The following PARL variants were observed in gnomAD, a reference collection of about 807,000 sequenced individuals.
PARL encodes presenilin associated rhomboid like, also known as presenilin-associated rhomboid-like protein, mitochondrial.
PARL carries 44 observed loss-of-function variants against 51.6 expected under a neutral mutation model. That is an observed-to-expected ratio of 0.85 (90% CI 0.67 to 1.10). PARL has a LOEUF of 1.10. Ranked by LOEUF, PARL falls within the 50% of genes least tolerant of loss-of-function variation. The pLI is 0.00. For synonymous variants in PARL, 172 were observed against 164.0 expected (o/e 1.05, Z -0.37); for missense variants, 441 against 469.5 (o/e 0.94, Z 0.56).
At chr3:183,864,193 C>T (rs1458041732) in intron 3 of PARL, among the ~76,000 whole-genome samples, 4 of 152,152 alleles carry the variant, frequency 2.6e-5, no homozygotes, top group African/African-American at 9.7e-5. Flanking sequence ...AGGGCTCATG[C>T]TTCTTGAATG....
intron 4 of PARL, among the ~76,000 whole-genome samples, chr3:183,859,121 C>T (rs988519913): frequency 5.9e-5 from 9 of 151,910 alleles, no homozygotes; most frequent in Admixed American, 3.3e-4. Flanking sequence ...CTGGCTAACG[C>T]GGTGAAACCC....
chr3:183,830,297 C>T (rs115355869), intron 9 of PARL, among the ~76,000 whole-genome samples: 115 of 152,338 alleles, frequency 7.5e-4, no homozygotes, highest in African/African-American at 2.7e-3. Context: ...GGCTGACGCA[C>T]AGAGAGGTTT....
intron 4 of PARL, among the ~76,000 whole-genome samples, chr3:183,860,814 C>CTT (rs11405513): frequency 0.027 from 3,467 of 126,692 alleles, 235 homozygotes; most frequent in African/African-American, 0.093. Context: ...AATTTCGTTA[C>CTT]TTTTTTTTTT....
At chr3:183,826,645 G>T, downstream of PARL, 1 of 985,360 alleles carries the variant, frequency 1.0e-6, no homozygotes, top group Non-Finnish European at 1.2e-6. Context: ...TGACATGACG[G>T]CTGCCTAGAA....
intron 6 of PARL, 69 bp from the exon 7 acceptor site, chr3:183,840,709 C>CG: frequency 1.6e-6 from 1 of 608,678 alleles, no homozygotes; most frequent in East Asian, 3.2e-5. Context: ...TTTTTCTTTT[C>CG]TTTTTTTTTT....
chr3:183,855,971 C>CA (rs576215027), intron 4 of PARL, among the ~76,000 whole-genome samples: 12,173 of 144,918 alleles, frequency 0.084, 664 homozygotes, highest in African/African-American at 0.15. Flanking sequence ...AATAAACAAA[C>CA]AAAAAAAAAA....
intron 4 of PARL, chr3:183,846,681 G>A (rs1729990053): frequency 2.1e-6 from 2 of 961,208 alleles, no homozygotes; most frequent in Non-Finnish European, 2.5e-6. Flanking sequence ...CTGCTTTCAT[G>A]GGGCACCCCA....
intron 7 of PARL, among the ~76,000 whole-genome samples, chr3:183,840,294 C>A (rs901247235): frequency 6.6e-6 from 1 of 152,186 alleles, no homozygotes; most frequent in African/African-American, 2.4e-5. Flanking sequence ...TGCACACTTA[C>A]TGTTCTGAGA....
At chr3:183,884,414 C>G (rs146765248) in intron 1 of PARL, among the ~76,000 whole-genome samples, 3 of 152,200 alleles carry the variant, frequency 2.0e-5, no homozygotes, top group African/African-American at 7.2e-5. Context: ...ACTTCAGAAA[C>G]TGGCTCAACA....
intron 1 of PARL, chr3:183,879,708 T>C (rs1039554799): frequency 3.1e-5 from 30 of 977,724 alleles, no homozygotes; most frequent in African/African-American, 1.6e-4. Flanking sequence ...TGAGCTTTCA[T>C]TTTAAATTTC....
intron 1 of PARL, among the ~76,000 whole-genome samples, chr3:183,878,038 G>C (rs867484763): frequency 6.6e-6 from 1 of 152,152 alleles, no homozygotes; most frequent in African/African-American, 2.4e-5. Flanking sequence ...TGATCCACCC[G>C]CCTTGGTCTC....
At chr3:183,854,747 T>A (rs1415309223) in intron 4 of PARL, among the ~76,000 whole-genome samples, 16 of 129,226 alleles carry the variant, frequency 1.2e-4, no homozygotes, top group Non-Finnish European at 6.6e-5. Flanking sequence ...TTTTTTACAA[T>A]TAAAAAAAAA....
At chr3:183,867,100 G>A (rs1732582467) in intron 2 of PARL, among the ~76,000 whole-genome samples, 1 of 152,014 alleles carries the variant, frequency 6.6e-6, no homozygotes, top group Non-Finnish European at 1.5e-5. Flanking sequence ...TTTTAGTAGA[G>A]ACGGGGTTTC....
At chr3:183,863,139 C>G (rs1732035509) in intron 3 of PARL, among the ~76,000 whole-genome samples, 1 of 152,124 alleles carries the variant, frequency 6.6e-6, no homozygotes, top group South Asian at 2.1e-4. Flanking sequence ...AGCACACTCA[C>G]AGATACAGAC....
chr3:183,882,908 A>G (rs1577410971), intron 1 of PARL, among the ~76,000 whole-genome samples: 1 of 152,328 alleles, frequency 6.6e-6, no homozygotes, highest in African/African-American at 2.4e-5. Flanking sequence ...TTTCAAAGCC[A>G]TAAGAAGTCA....
intron 4 of PARL, chr3:183,861,321 G>C: frequency 1.5e-6 from 1 of 645,976 alleles, no homozygotes; most frequent in Non-Finnish European, 1.9e-6. Context: ...GATTTTAACT[G>C]AGTGCCCTTA....
At chr3:183,846,650 C>G in intron 4 of PARL, 1 of 985,330 alleles carries the variant, frequency 1.0e-6, no homozygotes, top group Non-Finnish European at 1.2e-6. Context: ...TCCCTTACTT[C>G]ATAAGCCAGT....
chr3:183,848,151 A>T (rs1037701880), intron 4 of PARL, among the ~76,000 whole-genome samples: 1 of 152,286 alleles, frequency 6.6e-6, no homozygotes, highest in African/African-American at 2.4e-5. Flanking sequence ...TCTGGAAACT[A>T]ATCAAAGGCT....
chr3:183,860,186 A>G (rs895246885), intron 4 of PARL, among the ~76,000 whole-genome samples: 1 of 152,236 alleles, frequency 6.6e-6, no homozygotes, highest in African/African-American at 2.4e-5. Context: ...TTTGCAGTCT[A>G]CAAGAAGCAA....
Sources: gnomAD v4.1 joint callset for allele counts (sites outside exome capture counted in the v4.1 genomes callset) on GRCh38, gnomAD v4.1.1 for gene constraint, MANE v1.5 for transcripts, NCBI Gene and HGNC (gene_info 2026-07-23, HGNC 2026-07-21) for gene names.